Variants in R3HDM2 observed in about 807,000 individuals in gnomAD.
The protein encoded by R3HDM2 is R3H domain-containing protein 2.
R3HDM2 carries 38 observed loss-of-function variants against 124.5 expected under a neutral mutation model. The ratio of observed to expected loss-of-function variants is 0.31; its 90% CI spans 0.24 to 0.40. R3HDM2 has a LOEUF of 0.40. Ranked by LOEUF, R3HDM2 falls within the 10% of genes least tolerant of loss-of-function variation. The pLI is 1.00. For missense variants in R3HDM2, 869 were observed against 1,236.9 expected (o/e 0.70, Z 4.46); for synonymous variants, 391 against 448.0 (o/e 0.87, Z 1.61).
chr12:57,289,424 A>G (rs568819124), intron 11 of R3HDM2, among the ~76,000 whole-genome samples: 26 of 152,204 alleles, frequency 1.7e-4, no homozygotes, highest in South Asian at 8.3e-4. Flanking sequence ...GGAAGGGAAA[A>G]GGGAGACAAG....
At chr12:57,256,335 G>T in intron 22 of R3HDM2, 79 bp downstream of exon 22, 1 of 1,222,770 alleles carries the variant, frequency 8.2e-7, no homozygotes, top group Non-Finnish European at 1.1e-6. Context: ...TGTATACCCA[G>T]CTGGTTGAAG....
At chr12:57,335,312 A>G (rs941042547) in intron 2 of R3HDM2, among the ~76,000 whole-genome samples, 1 of 151,488 alleles carries the variant, frequency 6.6e-6, no homozygotes, top group Admixed American at 6.6e-5. Flanking sequence ...GGTTCAAGTG[A>G]TTCTCCTGCC....
chr12:57,318,146 C>G (rs531314214), intron 2 of R3HDM2, among the ~76,000 whole-genome samples: 7 of 151,224 alleles, frequency 4.6e-5, no homozygotes, highest in African/African-American at 1.7e-4. Flanking sequence ...AAAAATTAGC[C>G]GGGCATGGTG....
At chr12:57,262,104 G>T (rs981528744) in intron 19 of R3HDM2, among the ~76,000 whole-genome samples, 1 of 152,070 alleles carries the variant, frequency 6.6e-6, no homozygotes, top group Non-Finnish European at 1.5e-5. Context: ...CACATCTATG[G>T]AAAGGAATTG....
At chr12:57,268,597 A>G in intron 17 of R3HDM2, 140 bp from the exon 18 acceptor site, 1 of 907,186 alleles carries the variant, frequency 1.1e-6, no homozygotes, top group Non-Finnish European at 1.6e-6. Flanking sequence ...CCATCTGCCT[A>G]AAGAAAATGT....
At chr12:57,365,455 A>C (rs1022087625) in intron 2 of R3HDM2, among the ~76,000 whole-genome samples, 1 of 152,026 alleles carries the variant, frequency 6.6e-6, no homozygotes, top group African/African-American at 2.4e-5. Flanking sequence ...TATATTTAAC[A>C]TGTTTTATTT....
chr12:57,316,053 C>T (rs2054942280), intron 2 of R3HDM2, among the ~76,000 whole-genome samples: 1 of 152,176 alleles, frequency 6.6e-6, no homozygotes, highest in Non-Finnish European at 1.5e-5. Context: ...GCTGAGATCA[C>T]TCCACTGTAC....
At chr12:57,362,887 C>T (rs576317076) in intron 2 of R3HDM2, among the ~76,000 whole-genome samples, 19 of 152,104 alleles carry the variant, frequency 1.2e-4, no homozygotes, top group South Asian at 4.1e-4. Context: ...AGTGGCACTA[C>T]GTCAGCTAAC....
At chr12:57,323,832 C>T (rs1366077779) in intron 2 of R3HDM2, among the ~76,000 whole-genome samples, 2 of 152,046 alleles carry the variant, frequency 1.3e-5, no homozygotes, top group African/African-American at 2.4e-5. Context: ...CAGAACAAAC[C>T]GAATAGCCTC....
chr12:57,263,655 G>A (rs2041464219), intron 19 of R3HDM2, among the ~76,000 whole-genome samples: 2 of 152,162 alleles, frequency 1.3e-5, no homozygotes, highest in Admixed American at 1.3e-4. Context: ...TTTTAGTAGA[G>A]ATGGGGTTTT....
intron 2 of R3HDM2, among the ~76,000 whole-genome samples, chr12:57,345,947 A>G (rs530001062): frequency 2.2e-4 from 33 of 152,148 alleles, no homozygotes; most frequent in African/African-American, 7.7e-4. Flanking sequence ...ATCACCTGAG[A>G]TCAGGAGTTC....
In R3HDM2 at chr12:57,289,095, C is replaced by A. The variant is rs1054806602; in HGVS notation, c.907-55G>T. 8.8e-6 allele frequency: 13 copies of A among 1,471,482 alleles called. No homozygotes were observed. The East Asian group carries it at 2.2e-4, about 25-fold the overall frequency. The allele number at this position is 1,471,482 out of a possible 1,614,324, so 91.2% of individuals were successfully genotyped here. A position where few individuals can be genotyped will look rare whatever the true frequency, so the allele number is the denominator to read the frequency against. The stretch of plus-strand genomic sequence containing the variant: ...CTTATAAGAAAACAGCATGGCATGA[C>A]CGAAAAGGATGTCCATGATGCTATG... On this transcript the variant is annotated intron_variant, in intron 11 of 23. Transcript: ENST00000402412.
chr12:57,381,083 T>C (rs949235368), intron 2 of R3HDM2, among the ~76,000 whole-genome samples: 3 of 150,810 alleles, frequency 2.0e-5, no homozygotes, highest in East Asian at 2.0e-4. Context: ...TGCAAAACAA[T>C]AGTCGAGCGT....
intron 2 of R3HDM2, among the ~76,000 whole-genome samples, chr12:57,313,093 C>A (rs187948006): frequency 1.3e-5 from 2 of 152,158 alleles, no homozygotes; most frequent in South Asian, 4.1e-4. Flanking sequence ...AACCTATAGA[C>A]CTTCATGGAT....
At chr12:57,416,827 G>A (rs1255963765) in intron 1 of R3HDM2, among the ~76,000 whole-genome samples, 2 of 147,092 alleles carry the variant, frequency 1.4e-5, no homozygotes, top group Middle Eastern at 7.6e-3. Flanking sequence ...ACAAAAAAAA[G>A]CCAGCTGGGC....
chr12:57,260,644 T>C (rs1331003076), intron 19 of R3HDM2, among the ~76,000 whole-genome samples: 1 of 152,154 alleles, frequency 6.6e-6, no homozygotes, highest in Non-Finnish European at 1.5e-5. Context: ...TATATTCCTG[T>C]TGAGGCTGAG....
chr12:57,288,023 T>G (rs2047736325), intron 12 of R3HDM2, among the ~76,000 whole-genome samples: 1 of 151,200 alleles, frequency 6.6e-6, no homozygotes, highest in Non-Finnish European at 1.5e-5. Context: ...GTCTTTTTTT[T>G]TTTTTTTTTT....
intron 14 of R3HDM2, among the ~76,000 whole-genome samples, chr12:57,273,552 A>G (rs1192881447): frequency 6.6e-6 from 1 of 152,196 alleles, no homozygotes; most frequent in Non-Finnish European, 1.5e-5. Flanking sequence ...AGAATCCTAT[A>G]GGGAGATATA....
intron 1 of R3HDM2, among the ~76,000 whole-genome samples, chr12:57,428,608 T>C (rs1393905915): frequency 1.3e-5 from 2 of 151,626 alleles, no homozygotes; most frequent in African/African-American, 2.4e-5. Flanking sequence ...TGAGCCGAGA[T>C]TGCACCACTG....
Sources: allele counts gnomAD v4.1 joint callset (sites outside exome capture counted in the v4.1 genomes callset), GRCh38; gene constraint gnomAD v4.1.1; transcripts MANE v1.5; gene names NCBI Gene and HGNC (gene_info 2026-07-23, HGNC 2026-07-21).